The following NPAS3 variants were observed in gnomAD, a reference collection of about 807,000 sequenced individuals.
NPAS3 encodes the protein neuronal PAS domain-containing protein 3.
In NPAS3, 14 loss-of-function variants were observed where a neutral mutation model predicts 73.1. The ratio of observed to expected loss-of-function variants is 0.19; its 90% CI spans 0.13 to 0.30. The LOEUF (loss-of-function observed/expected upper bound fraction) is 0.30, where lower values mean the gene tolerates loss of function less well. NPAS3 is among the 10% of genes least tolerant of loss of function. NPAS3 has a pLI of 1.00. For missense variants in NPAS3, 1,096 were observed against 1,250.0 expected, an observed-to-expected ratio of 0.88 and a Z score of 1.86; for synonymous variants, 620 against 541.5, an observed-to-expected ratio of 1.14 and a Z score of -2.01.
At chr14:32,962,183 A>G (rs1463238593) in intron 1 of NPAS3, among the ~76,000 whole-genome samples, 1 of 152,188 alleles carries the variant, frequency 6.6e-6, no homozygotes, top group Non-Finnish European at 1.5e-5. Context: ...CATGTGGGTG[A>G]TATTTTGAAG....
intron 4 of NPAS3, among the ~76,000 whole-genome samples, chr14:33,497,265 C>T (rs548718878): frequency 6.6e-6 from 1 of 152,204 alleles, no homozygotes; most frequent in East Asian, 1.9e-4. Flanking sequence ...TGAAAATGGC[C>T]ATACTGCCCA....
intron 4 of NPAS3, among the ~76,000 whole-genome samples, chr14:33,549,498 TG>T (rs1480835106): frequency 2.0e-5 from 3 of 152,258 alleles, no homozygotes; most frequent in Admixed American, 2.0e-4. Context: ...CCTTCTAATG[TG>T]CTAGGATTAC....
At chr14:32,954,823 A>G (rs916702462) in intron 1 of NPAS3, among the ~76,000 whole-genome samples, 2 of 152,194 alleles carry the variant, frequency 1.3e-5, no homozygotes, top group East Asian at 3.8e-4. Flanking sequence ...GATTGCAATT[A>G]TAACATAAAT....
intron 2 of NPAS3, among the ~76,000 whole-genome samples, chr14:33,166,661 A>T (rs2045166355): frequency 6.6e-6 from 1 of 152,148 alleles, no homozygotes; most frequent in Non-Finnish European, 1.5e-5. Flanking sequence ...GGCCCCTTTG[A>T]TAGACATATT....
chr14:32,949,260 A>T (rs2036389118), intron 1 of NPAS3, among the ~76,000 whole-genome samples: 1 of 151,704 alleles, frequency 6.6e-6, no homozygotes, highest in Non-Finnish European at 1.5e-5. Context: ...TTTTTAAAAG[A>T]CTTTGTTTCA....
At chr14:33,366,937 A>G (rs986580705) in intron 3 of NPAS3, among the ~76,000 whole-genome samples, 1 of 150,058 alleles carries the variant, frequency 6.7e-6, no homozygotes. Flanking sequence ...AAGCCATCCA[A>G]AAGGAAAATT....
chr14:33,361,360 A>G (rs951137639), intron 3 of NPAS3, among the ~76,000 whole-genome samples: 3 of 152,240 alleles, frequency 2.0e-5, no homozygotes, highest in African/African-American at 7.2e-5. Context: ...AATCATATGA[A>G]TACTATTTAA....
At chr14:33,181,286 T>C (rs1268111758) in intron 2 of NPAS3, among the ~76,000 whole-genome samples, 1 of 151,948 alleles carries the variant, frequency 6.6e-6, no homozygotes, top group Non-Finnish European at 1.5e-5. Context: ...TCAGGCAGAG[T>C]GAGGAGGTAT....
At chr14:33,355,073 C>T (rs1359335594) in intron 3 of NPAS3, among the ~76,000 whole-genome samples, 1 of 152,126 alleles carries the variant, frequency 6.6e-6, no homozygotes, top group Non-Finnish European at 1.5e-5. Flanking sequence ...TGTGACTGGG[C>T]CCAACATGTC....
intron 5 of NPAS3, among the ~76,000 whole-genome samples, chr14:33,577,756 A>G (rs767979186): frequency 2.0e-5 from 3 of 152,224 alleles, no homozygotes; most frequent in Non-Finnish European, 4.4e-5. Context: ...TCAACCGACA[A>G]CAGCCCCAAA....
At chr14:33,754,168 G>C (rs1273329591) in intron 7 of NPAS3, among the ~76,000 whole-genome samples, 1 of 152,160 alleles carries the variant, frequency 6.6e-6, no homozygotes, top group Non-Finnish European at 1.5e-5. Context: ...CAGACAGACA[G>C]TGATCTGTAC....
At chr14:33,192,846 A>C (rs183152769) in intron 2 of NPAS3, among the ~76,000 whole-genome samples, 1 of 152,244 alleles carries the variant, frequency 6.6e-6, no homozygotes, top group East Asian at 1.9e-4. Flanking sequence ...ATCTTATCTA[A>C]AGTTTTAGCC....
intron 2 of NPAS3, among the ~76,000 whole-genome samples, chr14:33,159,170 AT>A (rs1262770618): frequency 6.6e-6 from 1 of 152,204 alleles, no homozygotes; most frequent in African/African-American, 2.4e-5. Context: ...CTCAAAAAAA[AT>A]AAATAAATAA....
At chr14:33,630,732 C>T (rs1462245336) in intron 5 of NPAS3, among the ~76,000 whole-genome samples, 7 of 152,116 alleles carry the variant, frequency 4.6e-5, no homozygotes, top group Non-Finnish European at 5.9e-5. Context: ...ATATATGCCC[C>T]CCCAGGATGG....
intron 4 of NPAS3, among the ~76,000 whole-genome samples, chr14:33,482,781 T>A (rs1181230701): frequency 6.6e-6 from 1 of 152,092 alleles, no homozygotes; most frequent in Non-Finnish European, 1.5e-5. Context: ...ACTCATGATC[T>A]CCCTCTGTCA....
chr14:33,685,436 C>T (rs746400409), intron 6 of NPAS3, among the ~76,000 whole-genome samples: 2 of 152,144 alleles, frequency 1.3e-5, no homozygotes, highest in African/African-American at 2.4e-5. Flanking sequence ...GACTGATGGA[C>T]GTTATCAAGG....
chr14:32,975,113 G>T (rs1786928893), intron 1 of NPAS3, among the ~76,000 whole-genome samples: 1 of 152,162 alleles, frequency 6.6e-6, no homozygotes, highest in African/African-American at 2.4e-5. Flanking sequence ...ACAAGCACTT[G>T]AATGATTAAA....
chr14:33,035,451 G>A (rs2040134041), intron 1 of NPAS3, among the ~76,000 whole-genome samples: 2 of 152,150 alleles, frequency 1.3e-5, no homozygotes, highest in African/African-American at 4.8e-5. Context: ...GCACACGTCT[G>A]ATCTCCCCAA....
chr14:33,069,496 A>T (rs1030675041), intron 2 of NPAS3, among the ~76,000 whole-genome samples: 2 of 152,196 alleles, frequency 1.3e-5, no homozygotes, highest in Admixed American at 6.5e-5. Flanking sequence ...TGTGGTGGGT[A>T]AGTGTGCAGG....
Sources: allele counts gnomAD v4.1 joint callset (sites outside exome capture counted in the v4.1 genomes callset), GRCh38; gene constraint gnomAD v4.1.1; transcripts MANE v1.5; gene names NCBI Gene and HGNC (gene_info 2026-07-23, HGNC 2026-07-21).